PABPC4L: variants seen among roughly 807,000 people sequenced by gnomAD.
PABPC4L encodes poly(A) binding protein cytoplasmic 4 like.
For synonymous variants in PABPC4L, 169 were observed against 164.1 expected, an observed-to-expected ratio of 1.03 and a Z score of -0.23; for missense variants, 452 against 451.4, an observed-to-expected ratio of 1.00 and a Z score of -0.01.
chr4:134,063,176 G>A, the PABPC4L span, among the ~76,000 whole-genome samples: 1 of 151,990 alleles, frequency 6.6e-6, no homozygotes, highest in Non-Finnish European at 1.5e-5. Context: ...TAGGGTGACT[G>A]TTCAACTAGA....
chr4:134,091,817 C>T, the PABPC4L span, among the ~76,000 whole-genome samples: 2 of 151,566 alleles, frequency 1.3e-5, no homozygotes, highest in African/African-American at 2.4e-5. Context: ...GATGATTTTC[C>T]TAATATTGAA....
At chr4:133,977,165 T>C in the PABPC4L span, among the ~76,000 whole-genome samples, 1 of 152,136 alleles carries the variant, frequency 6.6e-6, no homozygotes, top group Admixed American at 6.5e-5. Flanking sequence ...ATTTATTAAA[T>C]AGGGACTCCT....
the PABPC4L span, among the ~76,000 whole-genome samples, chr4:134,047,759 G>A: frequency 1.3e-5 from 2 of 151,528 alleles, no homozygotes; most frequent in Non-Finnish European, 2.9e-5. Context: ...CCTGAGGTAG[G>A]CAGGCTGCAG....
chr4:134,033,209 T>C, the PABPC4L span, among the ~76,000 whole-genome samples: 4 of 151,770 alleles, frequency 2.6e-5, no homozygotes, highest in South Asian at 2.1e-4. Flanking sequence ...ATTACAATTG[T>C]AACTGTTCTG....
At chr4:134,170,637 T>G in the PABPC4L span, among the ~76,000 whole-genome samples, 4 of 152,110 alleles carry the variant, frequency 2.6e-5, no homozygotes, top group Admixed American at 1.3e-4. Flanking sequence ...TGCACACATT[T>G]AAACAACTAG....
At chr4:134,149,078 T>C in the PABPC4L span, among the ~76,000 whole-genome samples, 1 of 152,148 alleles carries the variant, frequency 6.6e-6, no homozygotes, top group Admixed American at 6.6e-5. Flanking sequence ...ATTTTATTCA[T>C]TGTTGCACTA....
At chr4:134,187,774 C>G in the PABPC4L span, among the ~76,000 whole-genome samples, 1 of 152,048 alleles carries the variant, frequency 6.6e-6, no homozygotes, top group South Asian at 2.1e-4. Flanking sequence ...CAGATTTCTT[C>G]TCTTTACTTG....
At chr4:134,113,591 A>G in the PABPC4L span, among the ~76,000 whole-genome samples, 30 of 152,042 alleles carry the variant, frequency 2.0e-4, no homozygotes, top group Non-Finnish European at 3.5e-4. Flanking sequence ...AATTGCCTAA[A>G]GTTGCATTTC....
At chr4:133,961,878 G>T in the PABPC4L span, among the ~76,000 whole-genome samples, 8 of 152,148 alleles carry the variant, frequency 5.3e-5, no homozygotes, top group East Asian at 1.9e-4. Context: ...AGTGCCCAGG[G>T]TTTGTCCTAA....
At chr4:134,166,560 C>T in the PABPC4L span, among the ~76,000 whole-genome samples, 3 of 152,102 alleles carry the variant, frequency 2.0e-5, no homozygotes, top group African/African-American at 7.2e-5. Flanking sequence ...ACACCAGCAT[C>T]GCTTTCCTTC....
chr4:134,115,719 A>G, the PABPC4L span, among the ~76,000 whole-genome samples: 1 of 151,842 alleles, frequency 6.6e-6, no homozygotes, highest in South Asian at 2.1e-4. Context: ...TGTCAAAATT[A>G]GTATGGTGAT....
chr4:134,190,498 T>C, the PABPC4L span, among the ~76,000 whole-genome samples: 3 of 152,114 alleles, frequency 2.0e-5, no homozygotes, highest in East Asian at 3.9e-4. Context: ...CTTTCCCCAA[T>C]TTCTGGAGAT....
the PABPC4L span, among the ~76,000 whole-genome samples, chr4:133,957,226 G>A: frequency 6.6e-6 from 1 of 152,172 alleles, no homozygotes; most frequent in African/African-American, 2.4e-5. Context: ...TGGCAGTAGA[G>A]GCAGTGGGTA....
the PABPC4L span, among the ~76,000 whole-genome samples, chr4:133,967,106 G>A: frequency 1.3e-5 from 2 of 151,846 alleles, no homozygotes; most frequent in Non-Finnish European, 1.5e-5. Flanking sequence ...TTGAGGAGAT[G>A]AGAAAAACAG....
the PABPC4L span, among the ~76,000 whole-genome samples, chr4:134,185,989 G>A: frequency 7.2e-5 from 11 of 152,046 alleles, no homozygotes; most frequent in African/African-American, 2.2e-4. Flanking sequence ...GGGAGGTGAA[G>A]GACCTCTTCA....
At chr4:134,023,931 T>C in the PABPC4L span, among the ~76,000 whole-genome samples, 8 of 152,140 alleles carry the variant, frequency 5.3e-5, no homozygotes, top group Non-Finnish European at 1.2e-4. Context: ...AAAAAACTTA[T>C]AAATCTAAAA....
chr4:134,146,638 G>C, the PABPC4L span, among the ~76,000 whole-genome samples: 2 of 152,050 alleles, frequency 1.3e-5, no homozygotes, highest in Non-Finnish European at 1.5e-5. Context: ...GAGTGAGTAA[G>C]GCAGAGTAGA....
chr4:134,187,440 A>G, the PABPC4L span, among the ~76,000 whole-genome samples: 46 of 151,412 alleles, frequency 3.0e-4, no homozygotes, highest in East Asian at 9.1e-3. Flanking sequence ...AAGTATCGCA[A>G]GGACAGAAAG....
the PABPC4L span, among the ~76,000 whole-genome samples, chr4:134,054,077 G>A: frequency 6.0e-5 from 9 of 151,250 alleles, no homozygotes; most frequent in Non-Finnish European, 1.3e-4. Context: ...AAATTAATGA[G>A]ACTTAATACT....
Sources: allele counts gnomAD v4.1 joint callset (sites outside exome capture counted in the v4.1 genomes callset), GRCh38; gene constraint gnomAD v4.1.1; transcripts MANE v1.5; gene names NCBI Gene and HGNC (gene_info 2026-07-23, HGNC 2026-07-21).